The following RBFOX1 variants were observed in gnomAD, a reference collection of about 807,000 sequenced individuals.
The protein encoded by RBFOX1 is RNA binding fox-1 homolog 1.
In RBFOX1, 8 loss-of-function variants were observed where a neutral mutation model predicts 57.7. That is an observed-to-expected ratio of 0.14 (90% CI 0.08 to 0.25). The LOEUF is 0.25. RBFOX1 is among the 10% of genes least tolerant of loss of function. RBFOX1 has a pLI of 1.00. For missense variants in RBFOX1, 611 were observed against 548.5 expected (o/e 1.11, Z -1.14); for synonymous variants, 326 against 222.4 (o/e 1.47, Z -4.15).
intron 4 of RBFOX1, among the ~76,000 whole-genome samples, chr16:7,285,141 A>G (rs569672933): frequency 3.3e-4 from 45 of 136,618 alleles, no homozygotes; most frequent in South Asian, 2.8e-3. Context: ...CATTTACCAC[A>G]ATGGGCCTCA....
intron 2 of RBFOX1, among the ~76,000 whole-genome samples, chr16:6,616,544 C>T (rs368534496): frequency 2.3e-4 from 35 of 152,224 alleles, no homozygotes; most frequent in East Asian, 2.1e-3. Context: ...GGCATGGTGG[C>T]GGGCGTCTGT....
intron 3 of RBFOX1, among the ~76,000 whole-genome samples, chr16:5,742,837 G>C (rs994967559): frequency 6.6e-6 from 1 of 152,196 alleles, no homozygotes; most frequent in African/African-American, 2.4e-5. Flanking sequence ...ACCAATGGGG[G>C]CTAAGAGCTA....
At chr16:5,794,807 T>C (rs1002267309) in intron 3 of RBFOX1, among the ~76,000 whole-genome samples, 48 of 152,202 alleles carry the variant, frequency 3.2e-4, no homozygotes, top group African/African-American at 1.1e-3. Context: ...ATATTAAATC[T>C]AGGCAGAGGC....
At chr16:7,694,579 C>G (rs762027285) in intron 14 of RBFOX1, among the ~76,000 whole-genome samples, 4 of 152,214 alleles carry the variant, frequency 2.6e-5, no homozygotes, top group East Asian at 1.9e-4. Flanking sequence ...TATAAAACCT[C>G]TTTGCTGATG....
intron 2 of RBFOX1, among the ~76,000 whole-genome samples, chr16:6,410,436 C>G (rs2093422899): frequency 6.6e-6 from 1 of 151,566 alleles, no homozygotes; most frequent in East Asian, 2.0e-4. Context: ...CTCAGCCTCC[C>G]GAGTAGCTGG....
At chr16:6,125,082 C>G (rs1597535255) in intron 1 of RBFOX1, among the ~76,000 whole-genome samples, 1 of 152,136 alleles carries the variant, frequency 6.6e-6, no homozygotes, top group South Asian at 2.1e-4. Flanking sequence ...AGTTCCCCAT[C>G]CTCCACATCC....
At chr16:7,421,584 A>T (rs541043486) in intron 4 of RBFOX1, among the ~76,000 whole-genome samples, 7 of 152,318 alleles carry the variant, frequency 4.6e-5, no homozygotes, top group African/African-American at 1.7e-4. Flanking sequence ...CAGTTTGAGG[A>T]AATAAAAGGT....
chr16:6,305,180 G>T (rs573034244), intron 1 of RBFOX1, among the ~76,000 whole-genome samples: 1 of 152,142 alleles, frequency 6.6e-6, no homozygotes, highest in Non-Finnish European at 1.5e-5. Flanking sequence ...TGTCTACTTG[G>T]GATGGAAGCA....
At chr16:6,018,630 T>C (rs1448895670), upstream of RBFOX1, among the ~76,000 whole-genome samples, 1 of 152,052 alleles carries the variant, frequency 6.6e-6, no homozygotes, top group South Asian at 2.1e-4. Context: ...ACTTTTTGAA[T>C]CTTGGATAGG....
At chr16:7,318,270 G>T (rs2096482023) in intron 4 of RBFOX1, among the ~76,000 whole-genome samples, 3 of 151,894 alleles carry the variant, frequency 2.0e-5, no homozygotes. Context: ...ATGGTGGATG[G>T]TAGTGTTGGT....
chr16:7,693,308 C>T (rs1038755506), intron 14 of RBFOX1: 12 of 1,612,994 alleles, frequency 7.4e-6, no homozygotes, highest in Non-Finnish European at 6.8e-6. Context: ...TTTATCTTCT[C>T]TTCCAGAAAT....
chr16:6,364,047 C>T (rs2089121999), intron 2 of RBFOX1, among the ~76,000 whole-genome samples: 1 of 152,150 alleles, frequency 6.6e-6, no homozygotes, highest in Non-Finnish European at 1.5e-5. Flanking sequence ...CTGTATTTTG[C>T]ATTTGAACAA....
At chr16:6,234,816 GACAC>G (rs57296223) in intron 1 of RBFOX1, among the ~76,000 whole-genome samples, 24 of 150,730 alleles carry the variant, frequency 1.6e-4, no homozygotes, top group Non-Finnish European at 3.1e-4. Flanking sequence ...ACTACACACA[GACAC>G]ACACACACAC....
At chr16:6,962,533 G>GAAT in intron 3 of RBFOX1, among the ~76,000 whole-genome samples, 1 of 151,656 alleles carries the variant, frequency 6.6e-6, no homozygotes, top group South Asian at 2.1e-4. Flanking sequence ...AAGCTCAGAG[G>GAAT]TCAAAAGCAC....
At chr16:5,333,470 C>T (rs573807733) in intron 1 of RBFOX1, among the ~76,000 whole-genome samples, 63 of 152,206 alleles carry the variant, frequency 4.1e-4, no homozygotes, top group Admixed American at 9.2e-4. Context: ...ACAGATCCCC[C>T]GATTATATAC....
chr16:5,664,967 T>G (rs1387429915), intron 3 of RBFOX1, among the ~76,000 whole-genome samples: 1 of 151,372 alleles, frequency 6.6e-6, no homozygotes, highest in African/African-American at 2.4e-5. Context: ...TTTATCGAGA[T>G]AGGGTCTTGT....
intron 3 of RBFOX1, among the ~76,000 whole-genome samples, chr16:6,979,705 G>A (rs1394849809): frequency 6.6e-6 from 1 of 152,170 alleles, no homozygotes; most frequent in Non-Finnish European, 1.5e-5. Context: ...GCGTTATTAT[G>A]CTTATAAATT....
chr16:6,591,368 C>T (rs1052958066), intron 2 of RBFOX1, among the ~76,000 whole-genome samples: 12 of 152,100 alleles, frequency 7.9e-5, no homozygotes, highest in Non-Finnish European at 1.5e-4. Context: ...GCATGAGAAT[C>T]ACTTGAACTT....
intron 3 of RBFOX1, among the ~76,000 whole-genome samples, chr16:6,987,171 A>G (rs987525230): frequency 6.6e-5 from 10 of 152,218 alleles, no homozygotes; most frequent in Middle Eastern, 3.4e-3. Flanking sequence ...ATTTTGATAG[A>G]GGACTGAAGT....
Sources: allele counts gnomAD v4.1 joint callset (sites outside exome capture counted in the v4.1 genomes callset), GRCh38; gene constraint gnomAD v4.1.1; transcripts MANE v1.5; gene names NCBI Gene and HGNC (gene_info 2026-07-23, HGNC 2026-07-21).